BACH2: variants seen among roughly 807,000 people sequenced by gnomAD.
The protein encoded by BACH2 is BACH transcriptional regulator 2.
A neutral mutation model predicts 61.8 loss-of-function variants in BACH2; 5 were observed. The observed-to-expected ratio is 0.08, with a 90% CI of 0.04 to 0.17. The LOEUF (loss-of-function observed/expected upper bound fraction) is 0.17, where lower values mean the gene tolerates loss of function less well. Among genes scored for constraint, BACH2 ranks in the 10% least tolerant of loss-of-function variants. BACH2 has a pLI of 1.00. For missense variants in BACH2, 824 were observed against 1,091.1 expected (o/e 0.76, Z 3.45); for synonymous variants, 446 against 440.1 (o/e 1.01, Z -0.17).
intron 5 of BACH2, among the ~76,000 whole-genome samples, chr6:90,054,509 G>A (rs1186614106): frequency 2.6e-5 from 4 of 152,246 alleles, no homozygotes; most frequent in Admixed American, 2.6e-4. Context: ...CACAGCTCAA[G>A]GAGGCCTGCC....
chr6:90,048,431 T>C (rs570332895), intron 5 of BACH2, among the ~76,000 whole-genome samples: 17 of 152,298 alleles, frequency 1.1e-4, no homozygotes, highest in African/African-American at 4.1e-4. Context: ...TCATCAGACA[T>C]GGTATTTCAC....
At chr6:90,216,652 A>G (rs945138128) in intron 3 of BACH2, among the ~76,000 whole-genome samples, 7 of 152,300 alleles carry the variant, frequency 4.6e-5, no homozygotes, top group Non-Finnish European at 7.4e-5. Context: ...ACATTATTTC[A>G]TATCCTTTAA....
At chr6:90,102,238 T>C (rs1426313313) in intron 4 of BACH2, among the ~76,000 whole-genome samples, 1 of 152,172 alleles carries the variant, frequency 6.6e-6, no homozygotes, top group Non-Finnish European at 1.5e-5. Context: ...GCATTCCTAC[T>C]GCTGCTGACA....
At chr6:90,028,189 A>G (rs1778735273) in intron 5 of BACH2, among the ~76,000 whole-genome samples, 1 of 152,200 alleles carries the variant, frequency 6.6e-6, no homozygotes, top group African/African-American at 2.4e-5. Context: ...AGTGCAGAGT[A>G]CTCTGCTCGC....
At chr6:90,160,714 C>A (rs1785160444) in intron 4 of BACH2, among the ~76,000 whole-genome samples, 1 of 152,162 alleles carries the variant, frequency 6.6e-6, no homozygotes, top group South Asian at 2.1e-4. Context: ...GTTCTTCAGA[C>A]TTGGTTTCTC....
At chr6:90,154,701 AAGTATATC>A (rs1262851373) in intron 4 of BACH2, among the ~76,000 whole-genome samples, 1 of 152,170 alleles carries the variant, frequency 6.6e-6, no homozygotes, top group African/African-American at 2.4e-5. Context: ...GGAAGGGAGG[AAGTATATC>A]TGCCAATGCT....
At chr6:90,067,089 T>C (rs1192830062) in intron 5 of BACH2, among the ~76,000 whole-genome samples, 1 of 152,188 alleles carries the variant, frequency 6.6e-6, no homozygotes, top group Non-Finnish European at 1.5e-5. Context: ...AGTGCTGTAA[T>C]AGGGCAGAGA....
At chr6:90,171,754 G>C (rs1043195472) in intron 4 of BACH2, among the ~76,000 whole-genome samples, 1 of 152,148 alleles carries the variant, frequency 6.6e-6, no homozygotes, top group Non-Finnish European at 1.5e-5. Context: ...ATATAAAATA[G>C]ATGTGTTTAA....
chr6:90,195,880 G>A (rs1229707200), intron 4 of BACH2, among the ~76,000 whole-genome samples: 1 of 152,096 alleles, frequency 6.6e-6, no homozygotes, highest in Non-Finnish European at 1.5e-5. Context: ...GTCCTTCAAA[G>A]AAACAAGCAA....
intron 4 of BACH2, among the ~76,000 whole-genome samples, chr6:90,203,181 T>C (rs1769013545): frequency 6.6e-6 from 1 of 151,762 alleles, no homozygotes; most frequent in South Asian, 2.1e-4. Context: ...GAGGTTGAGA[T>C]GGGAGGATTG....
intron 4 of BACH2, among the ~76,000 whole-genome samples, chr6:90,189,508 T>G (rs1768482809): frequency 6.7e-6 from 1 of 149,474 alleles, no homozygotes; most frequent in Non-Finnish European, 1.5e-5. Flanking sequence ...CTCGGGAGGC[T>G]GAGGCAGGAG....
chr6:90,224,934 T>TA (rs1378161195), intron 3 of BACH2, among the ~76,000 whole-genome samples: 2 of 152,244 alleles, frequency 1.3e-5, no homozygotes, highest in African/African-American at 4.8e-5. Flanking sequence ...TCTGGTGAGT[T>TA]AGAATTTAAA....
At chr6:90,106,087 C>T (rs1216026281) in intron 4 of BACH2, among the ~76,000 whole-genome samples, 8 of 152,158 alleles carry the variant, frequency 5.3e-5, no homozygotes, top group Non-Finnish European at 1.0e-4. Flanking sequence ...CTCTTTGAGA[C>T]AAGGACTGCT....
At chr6:90,262,815 C>A (rs1413265783) in intron 2 of BACH2, among the ~76,000 whole-genome samples, 2 of 152,198 alleles carry the variant, frequency 1.3e-5, no homozygotes, top group African/African-American at 4.8e-5. Flanking sequence ...AAGGGACACG[C>A]ATTAACTGTT....
At chr6:89,990,828 TAAGCTCTGTG>T (rs1360473758) in intron 6 of BACH2, among the ~76,000 whole-genome samples, 4 of 152,240 alleles carry the variant, frequency 2.6e-5, no homozygotes, top group African/African-American at 9.6e-5. Context: ...AATTGGGATA[TAAGCTCTGTG>T]AAAGCTCAGA....
At chr6:90,016,201 T>TA (rs1778051177) in intron 5 of BACH2, among the ~76,000 whole-genome samples, 1 of 152,166 alleles carries the variant, frequency 6.6e-6, no homozygotes, top group Admixed American at 6.5e-5. Context: ...TCTTGCTTTT[T>TA]AAAAAAATCT....
intron 7 of BACH2, among the ~76,000 whole-genome samples, chr6:89,949,879 T>C (rs150390265): frequency 6.6e-6 from 1 of 151,980 alleles, no homozygotes; most frequent in African/African-American, 2.4e-5. Flanking sequence ...TCCTTTACGC[T>C]GAACGGGTGA....
rs186465203 is a variant in BACH2, at chr6:90,169,314, T to C, written c.-162+37255A>G. Among the ~76,000 whole-genome samples, 198 of 152,320 alleles carry C rather than the reference T, an allele frequency of 1.3e-3. 6 individuals are homozygous for C. Among genetic ancestry groups the C allele is most frequent in the Admixed American group, 0.011 (168 of 15,294 alleles). ...GGAGAGTCTCCCCAATTTTTTACTG[T>C]GAAGAAAAGTCTAAGCATAAACAAC... On this transcript the variant is annotated intron_variant, in intron 4 of 8. Coordinates refer to ENST00000257749, the MANE Select transcript of BACH2 (RefSeq NM_021813.4).
intron 3 of BACH2, among the ~76,000 whole-genome samples, chr6:90,239,798 TACACACACACACACACACACACACAC>T (rs59169449): frequency 4.5e-4 from 59 of 132,298 alleles, no homozygotes; most frequent in Admixed American, 3.9e-4. Flanking sequence ...GGGGGGGGAA[TACACACACACACACACACACACACAC>T]ACACACACAC....
Sources: allele counts gnomAD v4.1 joint callset (sites outside exome capture counted in the v4.1 genomes callset), GRCh38; gene constraint gnomAD v4.1.1; transcripts MANE v1.5; gene names NCBI Gene and HGNC (gene_info 2026-07-23, HGNC 2026-07-21).